The following EFR3A variants were observed in gnomAD, a reference collection of about 807,000 sequenced individuals.
The protein encoded by EFR3A is EFR3 homolog A.
Under a neutral mutation model 104.4 loss-of-function variants are expected in EFR3A, and 76 were observed. That is an observed-to-expected ratio of 0.73 (90% CI 0.60 to 0.88). The LOEUF is 0.88. Ranked by LOEUF, EFR3A falls within the 40% of genes least tolerant of loss-of-function variation. The pLI is 0.00. For synonymous variants in EFR3A, 330 were observed against 330.0 expected (o/e 1.00, Z 0.00); for missense variants, 985 against 1,012.5 (o/e 0.97, Z 0.37).
At chr8:131,983,296 A>G (rs1309220562) in intron 14 of EFR3A, among the ~76,000 whole-genome samples, 2 of 152,262 alleles carry the variant, frequency 1.3e-5, no homozygotes, top group South Asian at 2.1e-4. Context: ...GTGCTTTGCC[A>G]CTGACCAGTT....
intron 1 of EFR3A, among the ~76,000 whole-genome samples, chr8:131,927,808 C>A (rs768602205): frequency 3.3e-5 from 5 of 151,740 alleles, no homozygotes; most frequent in East Asian, 1.9e-4. Flanking sequence ...AGAAAAAAAA[C>A]CAAAAAGTTA....
chr8:131,957,086 G>A (rs1268525299), intron 7 of EFR3A, among the ~76,000 whole-genome samples: 1 of 151,990 alleles, frequency 6.6e-6, no homozygotes. Context: ...TAAAATTTCT[G>A]ATCATGTATT....
chr8:131,934,595 A>T lies in EFR3A; in HGVS notation c.11-5904A>T, dbSNP rs139542758. On this transcript the variant is annotated intron_variant, in intron 1 of 22. Transcript: ENST00000254624. The stretch of plus-strand genomic sequence containing the variant: ...GTCATTTGAAGCATAGTTTGCTAAA[A>T]TAACACCTATATTACAGGCTTTATA... Among the ~76,000 whole-genome samples the T allele has an allele frequency of 4.8e-3, 726 of 152,224 alleles. 2 individuals carry two copies. Among genetic ancestry groups the T allele is most frequent in the African/African-American group, 0.014 (590 of 41,548 alleles).
Position 131,946,573 on chromosome 8 carries a change from T to A in EFR3A, c.306T>A (p.His102Gln). Residue 102 changes from histidine to glutamine, a missense_variant, in exon 4 of 23, where the codon CAT becomes CAA. Coordinates refer to ENST00000254624, the MANE Select transcript of EFR3A (RefSeq NM_015137.6). ...SIKPFVESFL[H>Q]MVAKLLESGE... Reference sequence around the variant, plus strand: ...AGCCATTTGTAGAAAGCTTTCTTCATATGGTGGCAAAGCTGCTGGAATCGG... The same window carrying A: ...AGCCATTTGTAGAAAGCTTTCTTCAAATGGTGGCAAAGCTGCTGGAATCGG... 4 of 1,607,302 alleles carry A rather than the reference T, an allele frequency of 2.5e-6. No homozygotes were observed. Among genetic ancestry groups the A allele is most frequent in the Non-Finnish European group, 3.4e-6 (4 of 1,176,850 alleles).
At chr8:131,938,159 C>A in intron 1 of EFR3A, 1 of 396,144 alleles carries the variant, frequency 2.5e-6, no homozygotes. Flanking sequence ...GAACTAGGCA[C>A]TTGCTGAACA....
At position 132,011,091 on chromosome 8, in the gene EFR3A, T is replaced by G. The variant is rs1822323050; in HGVS notation, c.*196T>G. The G allele has an allele frequency of 1.6e-6, 2 of 1,236,484 alleles. No individual in the cohort carries two copies. Among genetic ancestry groups the G allele is most frequent in the Non-Finnish European group, 2.0e-6 (2 of 983,856 alleles). The allele number at this position is 1,236,484 out of a possible 1,614,324, so 76.6% of individuals were successfully genotyped here. ...ATTTCGAGTACTTTCAAAGATAGATTTATGCCATGTTAATTTGCTTTGAGG... is the reference window on the plus strand; with the variant it reads ...ATTTCGAGTACTTTCAAAGATAGATGTATGCCATGTTAATTTGCTTTGAGG... On this transcript the variant is annotated 3_prime_UTR_variant, in exon 23 of 23. Transcript: ENST00000254624.
chr8:132,008,514 G>A (rs1035018841), intron 22 of EFR3A, among the ~76,000 whole-genome samples: 2 of 151,630 alleles, frequency 1.3e-5, no homozygotes. Context: ...AATTTTTGGG[G>A]TAAATCTGAA....
chr8:131,907,327 A>G (rs1816303484), intron 1 of EFR3A, among the ~76,000 whole-genome samples: 1 of 152,228 alleles, frequency 6.6e-6, no homozygotes, highest in Non-Finnish European at 1.5e-5. Context: ...TTATGTGAAA[A>G]TGGCTCCTGA....
At chr8:131,929,873 T>A (rs1254671902) in intron 1 of EFR3A, among the ~76,000 whole-genome samples, 5 of 152,176 alleles carry the variant, frequency 3.3e-5, no homozygotes, top group Admixed American at 6.6e-5. Flanking sequence ...GTTTTACTAC[T>A]AGTAAAGCTG....
At chr8:131,909,741 C>T (rs1284726112) in intron 1 of EFR3A, among the ~76,000 whole-genome samples, 3 of 152,118 alleles carry the variant, frequency 2.0e-5, no homozygotes, top group African/African-American at 7.2e-5. Flanking sequence ...CACTATAGGA[C>T]ATTAAACATC....
intron 1 of EFR3A, chr8:131,938,406 GATT>G: frequency 2.6e-6 from 1 of 390,638 alleles, no homozygotes; most frequent in Non-Finnish European, 4.5e-6. Flanking sequence ...TTTCTTTTGT[GATT>G]ATTATTGCCA....
intron 1 of EFR3A, among the ~76,000 whole-genome samples, chr8:131,910,066 G>A (rs1238635724): frequency 6.6e-6 from 1 of 152,146 alleles, no homozygotes; most frequent in Non-Finnish European, 1.5e-5. Flanking sequence ...AGGGAGCCAG[G>A]GTGGGCAGGT....
At chr8:131,953,260 A>G (rs1451941707) in intron 5 of EFR3A, among the ~76,000 whole-genome samples, 2 of 152,154 alleles carry the variant, frequency 1.3e-5, no homozygotes, top group Non-Finnish European at 2.9e-5. Context: ...ATGATAATGT[A>G]TATGTGTTTA....
intron 1 of EFR3A, among the ~76,000 whole-genome samples, chr8:131,918,337 G>T (rs1816842669): frequency 1.3e-5 from 2 of 152,054 alleles, no homozygotes; most frequent in South Asian, 4.2e-4. Flanking sequence ...GAAGTCTTAG[G>T]CTTTTGACTT....
chr8:131,924,659 T>A (rs897693445), intron 1 of EFR3A, among the ~76,000 whole-genome samples: 1 of 152,120 alleles, frequency 6.6e-6, no homozygotes, highest in Non-Finnish European at 1.5e-5. Flanking sequence ...TTCATTTTCT[T>A]CCTTTCTTCA....
Position 132,011,226 on chromosome 8 carries a change from C to T in EFR3A, c.*331C>T, listed in dbSNP as rs942037691. 3.2e-5 allele frequency: 32 copies of T among 1,009,404 alleles called. No individual in the cohort carries two copies. Among genetic ancestry groups the T allele is most frequent in the Non-Finnish European group, 3.7e-5 (31 of 843,914 alleles). The allele number at this position is 1,009,404 out of a possible 1,614,324, so 62.5% of individuals were successfully genotyped here. On this transcript the variant is annotated 3_prime_UTR_variant, in exon 23 of 23. Coordinates refer to ENST00000254624, the MANE Select transcript of EFR3A (RefSeq NM_015137.6). The stretch of plus-strand genomic sequence containing the variant: ...TAATGTTTTTTAAAAAGTAAGCCTT[C>T]AGAGGATTGAAACTGTATAAATTGT...
At position 131,921,067 on chromosome 8, in the gene EFR3A, A is replaced by G. The variant is rs190541456; in HGVS notation, c.10+16745A>G. On this transcript the variant is annotated intron_variant, in intron 1 of 22. Coordinates refer to ENST00000254624, the MANE Select transcript of EFR3A (RefSeq NM_015137.6). Reference sequence around the variant, plus strand: ...ATTTGCACAATATCCATGAAGCCAGATTTTGTGCTTTTGAAAAACACTTGG... The same window carrying G: ...ATTTGCACAATATCCATGAAGCCAGGTTTTGTGCTTTTGAAAAACACTTGG... Among the ~76,000 whole-genome samples, 18 of 152,314 alleles carry G rather than the reference A, an allele frequency of 1.2e-4. 1 individual carries two copies. The East Asian group carries it at 3.5e-3, about 29-fold the overall frequency.
chr8:132,002,808 G>A (rs772365593), intron 21 of EFR3A, 102 bp downstream of exon 21: 108 of 872,232 alleles, frequency 1.2e-4, no homozygotes, highest in Middle Eastern at 2.2e-4. Context: ...TCAAATCAAC[G>A]GAACACAGGA....
At chr8:132,001,953 A>G in intron 20 of EFR3A, 146 bp downstream of exon 20, 1 of 679,346 alleles carries the variant, frequency 1.5e-6, no homozygotes, top group East Asian at 2.6e-5. Flanking sequence ...TCATTTATTT[A>G]GCTACATGTT....
Sources: allele counts gnomAD v4.1 joint callset (sites outside exome capture counted in the v4.1 genomes callset), GRCh38; gene constraint gnomAD v4.1.1; transcripts MANE v1.5; gene names NCBI Gene and HGNC (gene_info 2026-07-23, HGNC 2026-07-21).